The following IFT52 variants were observed in gnomAD, a reference collection of about 807,000 sequenced individuals.
IFT52 encodes the protein intraflagellar transport 52.
IFT52 carries 44 observed loss-of-function variants against 54.4 expected under a neutral mutation model. The ratio of observed to expected loss-of-function variants is 0.81; its 90% CI spans 0.63 to 1.04. IFT52 has a LOEUF of 1.04. Ranked by LOEUF, IFT52 falls within the 50% of genes least tolerant of loss-of-function variation. The pLI, the probability that IFT52 is intolerant of heterozygous loss-of-function variation, is 0.00. For synonymous variants in IFT52, 181 were observed against 185.3 expected (o/e 0.98, Z 0.19); for missense variants, 452 against 523.6 (o/e 0.86, Z 1.33).
chr20:43,625,621 G>A lies in IFT52; in HGVS notation c.923+1576G>A, dbSNP rs537541009. The stretch of plus-strand genomic sequence containing the variant: ...GGCTATCTGAGGGAAGAGTATTCTG[G>A]GCAGAGGAAACAGCCAGTCCTAAGA... On this transcript the variant is annotated intron_variant, in intron 10 of 13. Coordinates refer to ENST00000373030, the MANE Select transcript of IFT52 (RefSeq NM_016004.5). Among the ~76,000 whole-genome samples, 8 of 152,264 alleles carry A rather than the reference G, an allele frequency of 5.3e-5. No individual in the cohort carries two copies. In the South Asian group the frequency reaches 1.2e-3, roughly 24 times the overall value.
At position 43,642,745 on chromosome 20, in the gene IFT52, T is replaced by G; in HGVS notation, c.1266+121T>G. The stretch of plus-strand genomic sequence containing the variant: ...CTGTAAATATTTATTAAGCATCTAC[T>G]AGGTGAACAAAACAGACAATAAACC... On this transcript the variant is annotated intron_variant, in intron 13 of 13. Transcript: ENST00000373030. 3 of 924,614 alleles carry G rather than the reference T, an allele frequency of 3.2e-6. No homozygotes were observed. In the South Asian group the frequency reaches 5.2e-5, roughly 16 times the overall value. 57.3% of individuals were successfully genotyped at this position (924,614 alleles called of 1,614,324 possible).
intron 6 of IFT52, among the ~76,000 whole-genome samples, chr20:43,608,864 C>T (rs563642370): frequency 5.1e-4 from 77 of 151,988 alleles, no homozygotes; most frequent in East Asian, 5.0e-3. Context: ...GCCGAGATTG[C>T]GCCGCTGCAC....
chr20:43,592,755 C>CA (rs1422211442), intron 1 of IFT52, among the ~76,000 whole-genome samples: 8 of 152,082 alleles, frequency 5.3e-5, no homozygotes, highest in East Asian at 1.9e-4. Flanking sequence ...TCAACCAAAC[C>CA]AAAAAAACTA....
At chr20:43,630,907 G>C (rs1452205441) in intron 10 of IFT52, among the ~76,000 whole-genome samples, 1 of 152,200 alleles carries the variant, frequency 6.6e-6, no homozygotes. Context: ...GTGGAGGAAG[G>C]GAAGACTTAA....
chr20:43,604,293 G>C (rs763245548), intron 5 of IFT52, 35 bp downstream of exon 5: 1 of 1,472,606 alleles, frequency 6.8e-7, no homozygotes, highest in African/African-American at 1.4e-5. Context: ...TCTTGGCAAG[G>C]CATCGTCGCT....
rs1357342164 is a variant in IFT52, at chr20:43,614,813, T to C, written c.612+837T>C. ...CATCCCACTGCCTTTCTTTTTCTTT[T>C]TTTTTTTTTTTTTGAGATGGAGTCT... On this transcript the variant is annotated intron_variant, in intron 7 of 13. Coordinates refer to ENST00000373030, the MANE Select transcript of IFT52 (RefSeq NM_016004.5). 4.0e-5 allele frequency among the ~76,000 whole-genome samples: 6 copies of C among 150,014 alleles called. No individual in the cohort carries two copies. The South Asian group carries it at 1.1e-3, about 26-fold the overall frequency.
intron 9 of IFT52, among the ~76,000 whole-genome samples, chr20:43,622,349 A>C (rs1245771634): frequency 6.6e-6 from 1 of 152,204 alleles, no homozygotes; most frequent in Non-Finnish European, 1.5e-5. Context: ...CTGTAATCCC[A>C]GCACTTTGGG....
intron 2 of IFT52, among the ~76,000 whole-genome samples, chr20:43,595,518 C>T (rs1460028425): frequency 4.6e-5 from 7 of 151,968 alleles, no homozygotes; most frequent in Admixed American, 4.6e-4. Context: ...CACTGCACTC[C>T]AGCTTGGTGA....
intron 6 of IFT52, among the ~76,000 whole-genome samples, chr20:43,607,883 G>A (rs1472821782): frequency 1.3e-5 from 2 of 152,204 alleles, no homozygotes; most frequent in African/African-American, 2.4e-5. Context: ...ACAAGACTCC[G>A]TCTGCAATCC....
rs140986312 is a variant in IFT52 at position 43,635,988 on chromosome 20, C to T, written c.986C>T (p.Thr329Met). 65 of 1,614,172 alleles carry T rather than the reference C, an allele frequency of 4.0e-5. No individual in the cohort carries two copies. Among genetic ancestry groups the T allele is most frequent in the South Asian group, 6.6e-5 (6 of 91,082 alleles). ...CAGCTCATCCAGCCTCAGTTTGAGA[C>T]GCCGCTGCCAACCCTTCAGCCTGCG... ...PLQLIQPQFE[T>M]PLPTLQPAVF... Residue 329 changes from threonine to methionine, a missense_variant, in exon 11 of 14, where the codon ACG becomes ATG. By Grantham distance (81) the Thr-to-Met change is moderately conservative. Coordinates refer to ENST00000373030, the MANE Select transcript of IFT52 (RefSeq NM_016004.5).
chr20:43,602,453 C>T (rs1982539189), intron 3 of IFT52, among the ~76,000 whole-genome samples: 2 of 151,796 alleles, frequency 1.3e-5, no homozygotes, highest in Non-Finnish European at 2.9e-5. Context: ...TGAGCCACTG[C>T]ACCCCGCCTT....
At chr20:43,616,058 G>A (rs1600482258) in intron 7 of IFT52, among the ~76,000 whole-genome samples, 1 of 152,184 alleles carries the variant, frequency 6.6e-6, no homozygotes, top group East Asian at 1.9e-4. Context: ...TGTAATGTGT[G>A]TATTTATGTC....
At chr20:43,610,586 A>T (rs1983359870) in intron 6 of IFT52, among the ~76,000 whole-genome samples, 1 of 151,704 alleles carries the variant, frequency 6.6e-6, no homozygotes, top group South Asian at 2.1e-4. Flanking sequence ...AAAACAAAAC[A>T]AAATTAGCCA....
intron 10 of IFT52, among the ~76,000 whole-genome samples, chr20:43,628,712 T>C (rs796476340): frequency 3.9e-5 from 6 of 152,102 alleles, no homozygotes; most frequent in African/African-American, 1.4e-4. Context: ...TCAGCCGAGC[T>C]TGGTGGTGCG....
chr20:43,596,641 C>A, intron 3 of IFT52, 119 bp downstream of exon 3: 1 of 670,746 alleles, frequency 1.5e-6, no homozygotes, highest in Non-Finnish European at 2.7e-6. Flanking sequence ...GTCACTTCAT[C>A]TCTCTTTTCA....
chr20:43,595,424 C>T (rs1347914384), intron 2 of IFT52, among the ~76,000 whole-genome samples: 1 of 151,812 alleles, frequency 6.6e-6, no homozygotes, highest in Non-Finnish European at 1.5e-5. Context: ...TCGTGCGTGC[C>T]TATGGTCCCA....
chr20:43,616,892 A>C (rs775450827), intron 7 of IFT52, among the ~76,000 whole-genome samples: 5 of 152,080 alleles, frequency 3.3e-5, no homozygotes, highest in Non-Finnish European at 5.9e-5. Flanking sequence ...ATGCTCCTGT[A>C]GTCCTGGCTA....
At chr20:43,646,448 G>A (rs1986205814) in intron 13 of IFT52, among the ~76,000 whole-genome samples, 1 of 152,154 alleles carries the variant, frequency 6.6e-6, no homozygotes, top group South Asian at 2.1e-4. Context: ...CAGTGAACAA[G>A]ATGATTGCGG....
chr20:43,638,694 T>C (rs115855324), intron 12 of IFT52, among the ~76,000 whole-genome samples: 279 of 152,288 alleles, frequency 1.8e-3, no homozygotes, highest in African/African-American at 6.3e-3. Flanking sequence ...AGCAGAGTAA[T>C]GGTCTTAAAA....
Sources: gnomAD v4.1 joint callset for allele counts (sites outside exome capture counted in the v4.1 genomes callset) on GRCh38, gnomAD v4.1.1 for gene constraint, MANE v1.5 for transcripts, NCBI Gene and HGNC (gene_info 2026-07-23, HGNC 2026-07-21) for gene names.